The following EDEM3 variants were observed in gnomAD, a reference collection of about 807,000 sequenced individuals.
The protein encoded by EDEM3 is ER degradation enhancing alpha-mannosidase like protein 3.
A neutral mutation model predicts 110.2 loss-of-function variants in EDEM3; 60 were observed. The ratio of observed to expected loss-of-function variants is 0.54; its 90% CI spans 0.44 to 0.67. The LOEUF is 0.67. Among genes scored for constraint, EDEM3 ranks in the 30% least tolerant of loss-of-function variants. EDEM3 has a pLI of 0.00. For synonymous variants in EDEM3, 352 were observed against 382.9 expected, an observed-to-expected ratio of 0.92 and a Z score of 0.94; for missense variants, 996 against 1,121.0, an observed-to-expected ratio of 0.89 and a Z score of 1.59.
At chr1:184,707,613 T>C (rs1486606247) in intron 17 of EDEM3, among the ~76,000 whole-genome samples, 1 of 152,218 alleles carries the variant, frequency 6.6e-6, no homozygotes, top group Non-Finnish European at 1.5e-5. Flanking sequence ...TGGTCCCAGC[T>C]CTGCAATCAA....
intron 1 of EDEM3, among the ~76,000 whole-genome samples, chr1:184,751,008 CTA>C (rs1302914982): frequency 6.6e-6 from 1 of 152,060 alleles, no homozygotes; most frequent in Non-Finnish European, 1.5e-5. Context: ...CAGATCCTGA[CTA>C]TGAACACCAA....
At chr1:184,694,706 TG>T (rs1649240223) in intron 19 of EDEM3, among the ~76,000 whole-genome samples, 1 of 151,976 alleles carries the variant, frequency 6.6e-6, no homozygotes, top group Admixed American at 6.6e-5. Context: ...TCTTCCAAAT[TG>T]GAAGGAATGA....
At position 184,739,241 on chromosome 1, in the gene EDEM3, ATTT is replaced by A. The variant is rs1429741246; in HGVS notation, c.205-1533_205-1531del. 3.3e-5 allele frequency among the ~76,000 whole-genome samples: 5 copies of A among 149,366 alleles called. No homozygotes were observed. The South Asian group carries it at 6.2e-4, about 19-fold the overall frequency. On this transcript the variant is annotated intron_variant, in intron 2 of 19. Transcript: ENST00000318130. ...TTATTTTATCATTAAAATTATTTTA[ATTT>A]TAATAAAATAATTAAATTTAAATTA...
At chr1:184,739,582 T>A (rs2102122797) in intron 2 of EDEM3, among the ~76,000 whole-genome samples, 1 of 152,124 alleles carries the variant, frequency 6.6e-6, no homozygotes, top group African/African-American at 2.4e-5. Flanking sequence ...TTAATTCAGA[T>A]CTTCTTTTAT....
rs773731528 is a variant in EDEM3 at position 184,694,456 on chromosome 1, A to C, written c.2406T>G (p.Asn802Lys). ...CATTTTCAGAGGATGGTTGTTCTTC[A>C]TTTTCCATTTCAGGATCTGTATGAG... ...KAKDRDPEME[N>K]EEQPSSENDS... The change falls in exon 20 of 20, where the codon AAT (asparagine) becomes AAG (lysine). Residue 802 changes from asparagine to lysine, a missense_variant. Coordinates refer to ENST00000318130, the MANE Select transcript of EDEM3 (RefSeq NM_025191.4). 6.8e-5 allele frequency: 109 copies of C among 1,598,614 alleles called. No homozygotes were observed. The highest frequency in any genetic ancestry group is 2.7e-5 in the African/African-American group (2 of 74,358).
At chr1:184,734,484 A>T (rs1651713747) in intron 5 of EDEM3, 47 bp downstream of exon 5, 1 of 748,384 alleles carries the variant, frequency 1.3e-6, no homozygotes, top group Admixed American at 4.3e-5. Context: ...ATATATAAAT[A>T]AATAAAAATA....
intron 16 of EDEM3, 70 bp from the exon 17 acceptor site, chr1:184,708,414 G>C: frequency 6.6e-7 from 1 of 1,522,470 alleles, no homozygotes; most frequent in East Asian, 2.3e-5. Flanking sequence ...ATTTCCTAAA[G>C]ACACTGTACT....
chr1:184,749,616 G>GAA (rs35957626), intron 1 of EDEM3, 24 bp from the exon 2 acceptor site: 1,833 of 1,133,732 alleles, frequency 1.6e-3, no homozygotes, highest in African/African-American at 2.5e-3. Context: ...AGCAGAAATG[G>GAA]AAAAAAAAAA....
At chr1:184,714,136 G>A (rs1311152205) in intron 13 of EDEM3, among the ~76,000 whole-genome samples, 1 of 152,178 alleles carries the variant, frequency 6.6e-6, no homozygotes, top group East Asian at 1.9e-4. Flanking sequence ...GCAGACAGAT[G>A]AGCAGGATAC....
intron 17 of EDEM3, among the ~76,000 whole-genome samples, chr1:184,707,485 G>A (rs140849552): frequency 5.9e-5 from 9 of 152,310 alleles, no homozygotes; most frequent in African/African-American, 2.2e-4. Context: ...ACAGTTGAAT[G>A]AATCAATCAA....
chr1:184,722,594 G>C (rs574315079), intron 8 of EDEM3, among the ~76,000 whole-genome samples: 1 of 152,004 alleles, frequency 6.6e-6, no homozygotes. Context: ...GTATCACCCT[G>C]AATTACTGAA....
chr1:184,705,179 T>G (rs185485055), intron 18 of EDEM3, among the ~76,000 whole-genome samples: 41 of 152,322 alleles, frequency 2.7e-4, no homozygotes, highest in African/African-American at 9.6e-4. Context: ...AGAAATATTT[T>G]TAAACATTAA....
At chr1:184,741,300 GAGGC>G (rs1443634574) in intron 2 of EDEM3, among the ~76,000 whole-genome samples, 1 of 152,120 alleles carries the variant, frequency 6.6e-6, no homozygotes, top group South Asian at 2.1e-4. Flanking sequence ...TCGGGAGGCT[GAGGC>G]AGGAGAATTG....
At chr1:184,751,862 T>A (rs1041561964) in intron 1 of EDEM3, among the ~76,000 whole-genome samples, 1 of 152,196 alleles carries the variant, frequency 6.6e-6, no homozygotes, top group East Asian at 1.9e-4. Context: ...AAGCGATTCT[T>A]CCTGCCTCAG....
Position 184,708,962 on chromosome 1 carries a change from G to A in EDEM3, c.1846-618C>T, listed in dbSNP as rs115372983. ...GACACTTGAATTGAGTCTTAACAGAGGGAAAGTTGAAGAATGACTATAATA... is the reference window on the plus strand; with the variant it reads ...GACACTTGAATTGAGTCTTAACAGAAGGAAAGTTGAAGAATGACTATAATA... On this transcript the variant is annotated intron_variant, in intron 16 of 19. Transcript: ENST00000318130. Among the ~76,000 whole-genome samples, 433 of 152,184 alleles carry A rather than the reference G, an allele frequency of 2.8e-3. 5 individuals carry two copies. In the East Asian group the frequency reaches 0.035, roughly 12 times the overall value.
chr1:184,735,120 G>T (rs996959248), intron 4 of EDEM3, among the ~76,000 whole-genome samples: 3 of 152,140 alleles, frequency 2.0e-5, no homozygotes, highest in Admixed American at 1.3e-4. Flanking sequence ...TCACTAAGGA[G>T]GCTATACAAT....
At chr1:184,706,607 C>A in intron 18 of EDEM3, 36 bp downstream of exon 18, 1 of 1,495,382 alleles carries the variant, frequency 6.7e-7, no homozygotes, top group Non-Finnish European at 9.0e-7. Flanking sequence ...AATTATCTCC[C>A]CTTCAGTCAA....
intron 2 of EDEM3, among the ~76,000 whole-genome samples, chr1:184,743,589 G>C (rs1652259977): frequency 6.6e-6 from 1 of 152,116 alleles, no homozygotes; most frequent in African/African-American, 2.4e-5. Context: ...AGTCAAAGCA[G>C]CATCAAAAAC....
chr1:184,703,353 C>T (rs1386743991), intron 18 of EDEM3, among the ~76,000 whole-genome samples: 1 of 151,950 alleles, frequency 6.6e-6, no homozygotes, highest in Non-Finnish European at 1.5e-5. Flanking sequence ...ATTTCATATG[C>T]TTATGGAAAA....
Sources: allele counts gnomAD v4.1 joint callset (sites outside exome capture counted in the v4.1 genomes callset), GRCh38; gene constraint gnomAD v4.1.1; transcripts MANE v1.5; gene names NCBI Gene and HGNC (gene_info 2026-07-23, HGNC 2026-07-21).